ARMH3: variants seen among roughly 807,000 people sequenced by gnomAD.
The protein encoded by ARMH3 is armadillo like helical domain containing 3.
In ARMH3, 60 loss-of-function variants were observed where a neutral mutation model predicts 99.1. The ratio of observed to expected loss-of-function variants is 0.61; its 90% CI spans 0.49 to 0.75. The LOEUF is 0.75. Ranked by LOEUF, ARMH3 falls within the 30% of genes least tolerant of loss-of-function variation. The pLI is 0.00. For missense variants in ARMH3, 679 were observed against 843.1 expected, an observed-to-expected ratio of 0.81 and a Z score of 2.41; for synonymous variants, 285 against 292.8, an observed-to-expected ratio of 0.97 and a Z score of 0.27.
rs1279034917 is a variant in ARMH3 at position 101,847,170 on chromosome 10, T to C, written c.*358A>G. On this transcript the variant is annotated 3_prime_UTR_variant, in exon 26 of 26. Transcript: ENST00000370033. ...CGAGCAGAGCCACTGACTTTCAGGG[T>C]GCTGGCATTACCCTGAGGCTTGCCT... is the stretch of plus-strand genomic sequence containing the variant. 2 of 220,196 alleles carry C rather than the reference T, an allele frequency of 9.1e-6. No homozygotes were observed. Among genetic ancestry groups the C allele is most frequent in the Admixed American group, 1.1e-4 (2 of 19,018 alleles). 13.6% of individuals were successfully genotyped at this position (220,196 alleles called of 1,614,324 possible). A position where few individuals can be genotyped will look rare whatever the true frequency, so the allele number is the denominator to read the frequency against.
chr10:101,969,651 T>C (rs1590106132), intron 20 of ARMH3, among the ~76,000 whole-genome samples: 1 of 152,224 alleles, frequency 6.6e-6, no homozygotes, highest in African/African-American at 2.4e-5. Flanking sequence ...GGTCAGGCCA[T>C]GTACAATTTC....
At chr10:101,906,183 T>G (rs2135521099) in intron 23 of ARMH3, among the ~76,000 whole-genome samples, 1 of 152,360 alleles carries the variant, frequency 6.6e-6, no homozygotes, top group Admixed American at 6.5e-5. Flanking sequence ...TCCTTTTGTT[T>G]TTTCTTTTGG....
intron 5 of ARMH3, among the ~76,000 whole-genome samples, chr10:102,027,599 T>C (rs755727677): frequency 3.3e-5 from 5 of 151,950 alleles, no homozygotes; most frequent in Non-Finnish European, 5.9e-5. Flanking sequence ...ACTCAGCAAG[T>C]ACTTGCAGAG....
At chr10:102,014,075 C>A (rs1218608536) in intron 8 of ARMH3, 51 bp from the exon 9 acceptor site, 3 of 1,425,184 alleles carry the variant, frequency 2.1e-6, no homozygotes, top group East Asian at 2.3e-5. Context: ...GTTAAGAAAG[C>A]CCGTTAGCTA....
chr10:102,008,706 C>T (rs1289472138), intron 13 of ARMH3, among the ~76,000 whole-genome samples: 2 of 151,996 alleles, frequency 1.3e-5, no homozygotes, highest in East Asian at 1.9e-4. Flanking sequence ...GCGTCCGCCA[C>T]CACGCCCAGC....
At chr10:101,941,993 T>C (rs992054142) in intron 22 of ARMH3, among the ~76,000 whole-genome samples, 10 of 152,196 alleles carry the variant, frequency 6.6e-5, no homozygotes, top group African/African-American at 1.2e-4. Flanking sequence ...CACAGAGGTA[T>C]TGAACTCTGT....
intron 13 of ARMH3, 101 bp from the exon 14 acceptor site, chr10:102,006,734 T>A (rs2066498849): frequency 2.2e-5 from 11 of 489,720 alleles, no homozygotes; most frequent in Non-Finnish European, 3.3e-5. Context: ...GACCTTATAA[T>A]TTTTTTTTTT....
chr10:101,971,637 T>C (rs1845776277), intron 20 of ARMH3, among the ~76,000 whole-genome samples: 1 of 152,230 alleles, frequency 6.6e-6, no homozygotes, highest in Non-Finnish European at 1.5e-5. Flanking sequence ...GCTGTGGAAC[T>C]TAAAATTAAG....
chr10:101,913,569 T>C (rs1842958438), intron 23 of ARMH3, among the ~76,000 whole-genome samples: 2 of 151,902 alleles, frequency 1.3e-5, no homozygotes, highest in African/African-American at 2.4e-5. Context: ...GTCTTGTATG[T>C]TGCCAGGGCT....
Position 101,978,611 on chromosome 10 carries a change from A to C in ARMH3, c.1407-3311T>G, listed in dbSNP as rs538243760. ...CCAGAAATTTCAGACCAGCCTGGGG[A>C]ACAAAGCAGAATCCCATGTCTACAA... On this transcript the variant is annotated intron_variant, in intron 19 of 25. Coordinates refer to ENST00000370033, the MANE Select transcript of ARMH3 (RefSeq NM_024541.3). Among the ~76,000 whole-genome samples the C allele has an allele frequency of 3.3e-5, 5 of 152,174 alleles. No homozygotes were observed. The East Asian group carries it at 9.7e-4, about 29-fold the overall frequency.
intron 24 of ARMH3, among the ~76,000 whole-genome samples, chr10:101,854,701 A>C (rs1397997676): frequency 6.6e-6 from 1 of 152,206 alleles, no homozygotes; most frequent in African/African-American, 2.4e-5. Flanking sequence ...CATAGGATTG[A>C]GGTCAGAGAC....
chr10:101,883,209 G>A (rs1256206878), intron 24 of ARMH3, among the ~76,000 whole-genome samples: 1 of 152,166 alleles, frequency 6.6e-6, no homozygotes, highest in Non-Finnish European at 1.5e-5. Flanking sequence ...TAGGCCAAGA[G>A]TGTGAGACCA....
intron 19 of ARMH3, among the ~76,000 whole-genome samples, chr10:101,981,128 T>C (rs1488921906): frequency 2.6e-5 from 4 of 151,494 alleles, no homozygotes; most frequent in Admixed American, 1.3e-4. Flanking sequence ...TATACCTATG[T>C]AACAAACCTG....
chr10:101,957,226 G>A (rs904462459), intron 21 of ARMH3, among the ~76,000 whole-genome samples: 2 of 152,284 alleles, frequency 1.3e-5, no homozygotes, highest in African/African-American at 4.8e-5. Flanking sequence ...TAGTCAAAAT[G>A]CACAATGGCC....
At chr10:101,979,462 A>G (rs1026107242) in intron 19 of ARMH3, among the ~76,000 whole-genome samples, 2 of 152,198 alleles carry the variant, frequency 1.3e-5, no homozygotes, top group African/African-American at 4.8e-5. Context: ...TTTTGTAGAC[A>G]TGGGTTATCT....
chr10:102,055,985 C>T (rs1343279624), intron 1 of ARMH3, 100 bp downstream of exon 1: 1 of 152,518 alleles, frequency 6.6e-6, no homozygotes, highest in African/African-American at 2.4e-5. Context: ...CAGCGCAGGC[C>T]CCGCCCCCAG....
chr10:101,982,021 C>CAAAAAAAAA (rs71016356), intron 19 of ARMH3, among the ~76,000 whole-genome samples: 3 of 58,992 alleles, frequency 5.1e-5, no homozygotes, highest in Non-Finnish European at 8.7e-5. Context: ...GACTCTATCT[C>CAAAAAAAAA]AAAAAAAAAA....
chr10:101,991,414 A>G (rs1564827675), intron 18 of ARMH3, among the ~76,000 whole-genome samples: 1 of 151,738 alleles, frequency 6.6e-6, no homozygotes, highest in African/African-American at 2.4e-5. Flanking sequence ...TTTGAGATGC[A>G]GTCTCGCCCC....
chr10:102,014,849 G>GA lies in ARMH3; in HGVS notation c.670-826dup, dbSNP rs1218856887. Among the ~76,000 whole-genome samples, 6 of 152,130 alleles carry GA rather than the reference G, an allele frequency of 3.9e-5. No homozygotes were observed. The South Asian group carries it at 1.2e-3, about 31-fold the overall frequency. On this transcript the variant is annotated intron_variant, in intron 8 of 25. Coordinates refer to ENST00000370033, the MANE Select transcript of ARMH3 (RefSeq NM_024541.3). The stretch of plus-strand genomic sequence containing the variant: ...CAATGACCTCTCCTTACACCTATGG[G>GA]ATGTGAGGAAAAATTTCATATAAAT...
Sources: gnomAD v4.1 joint callset for allele counts (sites outside exome capture counted in the v4.1 genomes callset) on GRCh38, gnomAD v4.1.1 for gene constraint, MANE v1.5 for transcripts, NCBI Gene and HGNC (gene_info 2026-07-23, HGNC 2026-07-21) for gene names.